HINFP: variants seen among roughly 807,000 people sequenced by gnomAD.
The protein encoded by HINFP is histone H4 transcription factor, also known as MBD2 (methyl-CpG-binding protein)-interacting zinc finger protein.
Under a neutral mutation model 50.1 loss-of-function variants are expected in HINFP, and 20 were observed. That is an observed-to-expected ratio of 0.40 (90% CI 0.28 to 0.58). The LOEUF is 0.58. Ranked by LOEUF, HINFP falls within the 20% of genes least tolerant of loss-of-function variation. HINFP has a pLI of 0.45. For synonymous variants in HINFP, 247 were observed against 243.7 expected, an observed-to-expected ratio of 1.01 and a Z score of -0.13; for missense variants, 505 against 664.1, an observed-to-expected ratio of 0.76 and a Z score of 2.63.
At chr11:119,125,036 T>TATG (rs1491223191) in intron 1 of HINFP, 2 of 80,818 alleles carry the variant, frequency 2.5e-5, no homozygotes, top group African/African-American at 1.1e-4. Flanking sequence ...TGTGTGTGTG[T>TATG]TTTTTTTTTT....
rs1365501038 is a variant in HINFP at position 119,131,961 on chromosome 11, C to A, written c.655C>A (p.Arg219Ser). 1 of 1,613,926 alleles carries A rather than the reference C, an allele frequency of 6.2e-7. No homozygotes were observed. The highest frequency in any genetic ancestry group is 8.5e-7 in the Non-Finnish European group (1 of 1,180,026). The change falls in exon 5 of 10, where the codon CGT (arginine) becomes AGT (serine). Residue 219 changes from arginine (R) to serine (S), a missense_variant. Arg to Ser is a moderately radical substitution (Grantham distance 110, BLOSUM62 -1). Transcript: ENST00000350777. The surrounding 1 kb of genome is among the most constrained non-coding windows in gnomAD (Gnocchi z 4.2). ...ANNTKFLDHI[R>S]RQTSLDQQHF... is the part of the protein sequence containing the mutation. Reference sequence around the variant, plus strand: ...CAATACCAAGTTCTTAGATCACATCCGTCGCCAGACCTCATTGGATCGTAA... The same window carrying A: ...CAATACCAAGTTCTTAGATCACATCAGTCGCCAGACCTCATTGGATCGTAA...
In HINFP at chr11:119,132,876, T is replaced by C; in HGVS notation, c.888T>C (p.Leu296=). ...CDCCDYSCKN[L]IDLQKHLDTH... ...TTTCTCATGGCAGCTGCAAGAATCTTATTGACCTCCAGAAGCACCTGGATA... is the reference window on the plus strand; with the variant it reads ...TTTCTCATGGCAGCTGCAAGAATCTCATTGACCTCCAGAAGCACCTGGATA... Residue 296 remains leucine, a synonymous_variant, in exon 8 of 10, where the codon CTT becomes CTC. Transcript: ENST00000350777. 1 of 1,614,204 alleles carries C rather than the reference T, an allele frequency of 6.2e-7. No homozygotes were observed. The highest frequency in any genetic ancestry group is 8.5e-7 in the Non-Finnish European group (1 of 1,180,042).
At chr11:119,123,445 G>A (rs904556698) in intron 1 of HINFP, among the ~76,000 whole-genome samples, 2 of 152,122 alleles carry the variant, frequency 1.3e-5, no homozygotes, top group Non-Finnish European at 2.9e-5. Context: ...ATTTCATACT[G>A]TAATAGTCAG....
intron 1 of HINFP, chr11:119,123,702 G>A (rs1947215864): frequency 1.4e-5 from 2 of 143,372 alleles, no homozygotes; most frequent in South Asian, 2.3e-4. Context: ...CTACCACATC[G>A]GCTGTTTTTT....
intron 1 of HINFP, 65 bp from the exon 2 acceptor site, chr11:119,126,870 C>A: frequency 7.5e-6 from 11 of 1,469,166 alleles, no homozygotes; most frequent in Non-Finnish European, 1.0e-5. Flanking sequence ...GCCTGCCCAG[C>A]TTTTTGCCCT....
intron 6 of HINFP, 22 bp from the exon 7 acceptor site, chr11:119,132,639 G>A (rs1415806252): frequency 6.2e-7 from 1 of 1,614,046 alleles, no homozygotes; most frequent in South Asian, 1.1e-5. Context: ...TCACATCACA[G>A]CCTCCTCTCT....
At chr11:119,130,689 A>G (rs766536774) in intron 2 of HINFP, 36 bp from the exon 3 acceptor site, 5 of 1,583,806 alleles carry the variant, frequency 3.2e-6, no homozygotes, top group South Asian at 1.1e-5. Context: ...AGCCTTGGAA[A>G]GTGTCAGACT....
chr11:119,127,389 G>A (rs1268087324), intron 2 of HINFP: 3 of 249,488 alleles, frequency 1.2e-5, no homozygotes, highest in African/African-American at 7.1e-5. Flanking sequence ...CTCTGCCTGT[G>A]TTTACATATA....
chr11:119,132,702 C>G lies in HINFP; in HGVS notation c.796C>G (p.Leu266Val), dbSNP rs141315890. Reference protein sequence around the residue: ...KCPLCDMTCPLPSSLRNHMRF... With the variant: ...KCPLCDMTCPVPSSLRNHMRF... The stretch of plus-strand genomic sequence containing the variant: ...CCCTCTGTGTGACATGACCTGCCCG[C>G]TGCCTTCCTCCCTCCGCAACCACAT... Residue 266 changes from leucine to valine, a missense_variant, in exon 7 of 10, where the codon CTG becomes GTG. Transcript: ENST00000350777. The G allele has an allele frequency of 6.2e-7, 1 of 1,613,960 alleles. No individual in the cohort carries two copies. Among genetic ancestry groups the G allele is most frequent in the Middle Eastern group, 1.6e-4 (1 of 6,084 alleles).
intron 2 of HINFP, chr11:119,127,511 A>T (rs1229773130): frequency 2.5e-5 from 3 of 121,466 alleles, no homozygotes; most frequent in Admixed American, 8.4e-5. Flanking sequence ...TAGTATTCCC[A>T]ATTTTTTTTT....
chr11:119,124,042 A>G (rs1947248475), intron 1 of HINFP: 1 of 151,220 alleles, frequency 6.6e-6, no homozygotes, highest in African/African-American at 2.4e-5. Context: ...CTGGTCACAA[A>G]CTCCTGAGCT....
chr11:119,133,081 T>C lies in HINFP; in HGVS notation c.1015-14T>C, dbSNP rs1405599211. 3 of 1,614,198 alleles carry C rather than the reference T, an allele frequency of 1.9e-6. No homozygotes were observed. Among genetic ancestry groups the C allele is most frequent in the Middle Eastern group, 3.3e-4 (2 of 6,062 alleles). ...TGAAGAGCTGGTCTCATTTCTCCCT[T>C]CCTTCCCCATCAGGGAGACTCTGAG... On this transcript the variant is annotated splice_polypyrimidine_tract_variant and intron_variant, in intron 8 of 9. Transcript: ENST00000350777.
At chr11:119,126,727 G>T (rs1565790460) in intron 1 of HINFP, 1 of 518,644 alleles carries the variant, frequency 1.9e-6, no homozygotes, top group Non-Finnish European at 3.4e-6. Flanking sequence ...ACTCAATAGT[G>T]TTAGTTTTTG....
At chr11:119,129,490 C>CTTTTTTTTTTTTTTTTTTTTTT (rs59395600) in intron 2 of HINFP, among the ~76,000 whole-genome samples, 22 of 124,168 alleles carry the variant, frequency 1.8e-4, no homozygotes, top group African/African-American at 5.2e-4. Flanking sequence ...TTTTTCTTTT[C>CTTTTTTTTTTTTTTTTTTTTTT]TTTTTTTTTT....
chr11:119,135,277 G>A lies in HINFP; in HGVS notation c.*779G>A, dbSNP rs1208986553. On this transcript the variant is annotated 3_prime_UTR_variant, in exon 10 of 10. Transcript: ENST00000350777. ...ATGGAGGTCCCAGGTGTTTGGCTGT[G>A]AGTGGGCAGTAGTGGTGCTATAGAA... 1 of 152,410 alleles carries A rather than the reference G, an allele frequency of 6.6e-6. No homozygotes were observed. Among genetic ancestry groups the A allele is most frequent in the African/African-American group, 2.4e-5 (1 of 41,450 alleles). The allele number at this position is 152,410 out of a possible 1,614,324, so 9.4% of individuals were successfully genotyped here. A position where few individuals can be genotyped will look rare whatever the true frequency, so the allele number is the denominator to read the frequency against.
At chr11:119,126,354 C>CAAAAAAAAAAAAAAAAAAAAAAAAAA (rs55703263) in intron 1 of HINFP, 1 of 62,688 alleles carries the variant, frequency 1.6e-5, no homozygotes, top group Non-Finnish European at 3.7e-5. Flanking sequence ...AACTCAATCT[C>CAAAAAAAAAAAAAAAAAAAAAAAAAA]AAAAAAAAAA....
rs778608840 is a variant in HINFP at position 119,132,786 on chromosome 11, G to A, written c.875+5G>A. ...ATGTGACTGTTGTGACTACAGGTAA[G>A]GGGGACCAGGGACCAGAAAACAGCT... On this transcript the variant is annotated splice_donor_5th_base_variant and intron_variant, in intron 7 of 9. Coordinates refer to ENST00000350777, the MANE Select transcript of HINFP (RefSeq NM_198971.3). The A allele has an allele frequency of 6.2e-6, 10 of 1,613,488 alleles. No individual in the cohort carries two copies. The highest frequency in any genetic ancestry group is 8.5e-6 in the Non-Finnish European group (10 of 1,180,034).
chr11:119,126,722 A>G (rs562471914), intron 1 of HINFP: 14 of 505,758 alleles, frequency 2.8e-5, no homozygotes, highest in Admixed American at 1.9e-4. Flanking sequence ...CACACACTCA[A>G]TAGTGTTAGT....
In HINFP at chr11:119,135,638, A is replaced by C. The variant is rs1948017852; in HGVS notation, c.*1140A>C. The C allele has an allele frequency of 6.6e-6, 1 of 152,204 alleles. No homozygotes were observed. The highest frequency in any genetic ancestry group is 1.5e-5 in the Non-Finnish European group (1 of 68,032). 9.4% of individuals were successfully genotyped at this position (152,204 alleles called of 1,614,324 possible). A position where few individuals can be genotyped will look rare whatever the true frequency, so the allele number is the denominator to read the frequency against. On this transcript the variant is annotated 3_prime_UTR_variant, in exon 10 of 10. Coordinates refer to ENST00000350777, the MANE Select transcript of HINFP (RefSeq NM_198971.3). ...CACCCTGTGTCCATTTTTATGGTCT[A>C]CTGCTATGCTGGAGAGGTCAAGGAA...
Sources: allele counts gnomAD v4.1 joint callset (sites outside exome capture counted in the v4.1 genomes callset), GRCh38; gene constraint gnomAD v4.1.1; non-coding constraint Gnocchi (gnomAD v3.1); transcripts MANE v1.5; gene names NCBI Gene and HGNC (gene_info 2026-07-23, HGNC 2026-07-21).